The following CAMK2B variants were observed in gnomAD, a reference collection of about 807,000 sequenced individuals.
CAMK2B encodes calcium/calmodulin dependent protein kinase II beta, also known as calcium/calmodulin-dependent protein kinase type II subunit beta.
CAMK2B carries 27 observed loss-of-function variants against 93.7 expected under a neutral mutation model. That is an observed-to-expected ratio of 0.29 (90% CI 0.21 to 0.40). The LOEUF is 0.40. Ranked by LOEUF, CAMK2B falls within the 10% of genes least tolerant of loss-of-function variation. CAMK2B has a pLI of 1.00. For synonymous variants in CAMK2B, 374 were observed against 358.8 expected (o/e 1.04, Z -0.48); for missense variants, 568 against 895.8 (o/e 0.63, Z 4.67).
At chr7:44,244,500 G>A (rs557487685) in intron 6 of CAMK2B, among the ~76,000 whole-genome samples, 9 of 118 alleles carry the variant, frequency 0.076, no homozygotes, top group South Asian at 0.42. Flanking sequence ...TGGGGCCCTC[G>A]GGTCCCTTGG....
intron 12 of CAMK2B, among the ~76,000 whole-genome samples, chr7:44,240,352 A>G (rs1035928774): frequency 4.6e-5 from 7 of 152,108 alleles, no homozygotes; most frequent in Admixed American, 3.9e-4. Context: ...ACAAAACACA[A>G]TGTTCAGAGC....
At chr7:44,252,075 C>T (rs183537154) in intron 5 of CAMK2B, among the ~76,000 whole-genome samples, 10 of 152,166 alleles carry the variant, frequency 6.6e-5, no homozygotes, top group South Asian at 6.2e-4. Context: ...TGTGTCCATC[C>T]GAGACTCAGA....
At chr7:44,288,353 T>C (rs1785713732) in intron 1 of CAMK2B, among the ~76,000 whole-genome samples, 1 of 152,220 alleles carries the variant, frequency 6.6e-6, no homozygotes, top group Admixed American at 6.5e-5. Context: ...CATAGGCTGA[T>C]CACACGCCTG....
intron 13 of CAMK2B, among the ~76,000 whole-genome samples, chr7:44,238,677 C>A (rs971591004): frequency 3.9e-5 from 6 of 152,250 alleles, no homozygotes; most frequent in African/African-American, 1.4e-4. Context: ...ACCCTGGAAC[C>A]TCTGCCGGGT....
intron 1 of CAMK2B, among the ~76,000 whole-genome samples, chr7:44,284,914 T>TG (rs1194815887): frequency 8.6e-5 from 13 of 151,082 alleles, no homozygotes; most frequent in African/African-American, 2.4e-4. Flanking sequence ...ACTGACAGCC[T>TG]GGGGGTAGGG....
intron 1 of CAMK2B, among the ~76,000 whole-genome samples, chr7:44,315,048 G>A (rs1794529716): frequency 6.6e-6 from 1 of 152,030 alleles, no homozygotes; most frequent in Admixed American, 6.6e-5. Flanking sequence ...TTTCTCAATG[G>A]TGTCCTTTGA....
chr7:44,303,590 T>C (rs1790679598), intron 1 of CAMK2B, among the ~76,000 whole-genome samples: 1 of 152,214 alleles, frequency 6.6e-6, no homozygotes, highest in African/African-American at 2.4e-5. Flanking sequence ...ACACCTTTCA[T>C]AATGATTAAC....
chr7:44,253,913 T>G (rs2096805819), intron 5 of CAMK2B, among the ~76,000 whole-genome samples: 1 of 152,042 alleles, frequency 6.6e-6, no homozygotes, highest in East Asian at 1.9e-4. Flanking sequence ...TTTTTTTTTT[T>G]TTTTTTTTAA....
At chr7:44,262,024 C>T (rs2096883005) in intron 3 of CAMK2B, among the ~76,000 whole-genome samples, 1 of 152,210 alleles carries the variant, frequency 6.6e-6, no homozygotes, top group Admixed American at 6.5e-5. Flanking sequence ...TGGGGTCCTG[C>T]TGGGTCCAAT....
At position 44,271,566 on chromosome 7, in the gene CAMK2B, TG is replaced by T. The variant is rs2096974906; in HGVS notation, c.161-8503del. ...GGCAGGCAGAGGCCAGCTCACATCT[TG>T]GGGCCAGCACTTGCCAACCTGGGCT... On this transcript the variant is annotated intron_variant, in intron 2 of 23. Coordinates refer to ENST00000395749, the MANE Select transcript of CAMK2B (RefSeq NM_001220.5). The surrounding 1 kb of genome is among the most constrained non-coding windows in gnomAD (Gnocchi z 4.2). Among the ~76,000 whole-genome samples the T allele has an allele frequency of 6.6e-6, 1 of 152,228 alleles. No homozygotes were observed. Among genetic ancestry groups the T allele is most frequent in the Non-Finnish European group, 1.5e-5 (1 of 68,026 alleles).
Position 44,242,249 on chromosome 7 carries a change from G to A in CAMK2B, c.788C>T (p.Ala263Val), listed in dbSNP as rs1562871726. ...LTINPAKRITAHEALKHPWVC... is the reference protein window; with the variant it reads ...LTINPAKRITVHEALKHPWVC... ...CCACGGGTGCTTCAGGGCCTCATGGGCTGTGATGCGCTTGGCAGGGTTGAT... is the reference window on the plus strand; with the variant it reads ...CCACGGGTGCTTCAGGGCCTCATGGACTGTGATGCGCTTGGCAGGGTTGAT... The change falls in exon 10 of 24, where the codon GCC becomes GTC. Residue 263 changes from alanine (A) to valine (V), a missense_variant. This residue lies in a region of CAMK2B where 105 missense variants were observed against 372.4 expected (regional missense o/e 0.28). Transcript: ENST00000395749. The A allele has an allele frequency of 6.2e-7, 1 of 1,614,070 alleles. No homozygotes were observed.
intron 1 of CAMK2B, among the ~76,000 whole-genome samples, chr7:44,289,558 C>T (rs1483591431): frequency 6.6e-6 from 1 of 152,206 alleles, no homozygotes; most frequent in Non-Finnish European, 1.5e-5. Context: ...CCCGTGTGGT[C>T]ACGCAGACCT....
chr7:44,288,552 A>G (rs1000350905), intron 1 of CAMK2B, among the ~76,000 whole-genome samples: 1 of 152,248 alleles, frequency 6.6e-6, no homozygotes, highest in Non-Finnish European at 1.5e-5. Context: ...AGCCAGGCTG[A>G]AAGCGATTTT....
chr7:44,274,329 C>T (rs995644919), intron 2 of CAMK2B, among the ~76,000 whole-genome samples: 13 of 152,160 alleles, frequency 8.5e-5, no homozygotes, highest in African/African-American at 2.7e-4. Context: ...GGGAGACACA[C>T]AACCAGGGCC....
In CAMK2B at chr7:44,243,530, G is replaced by A. The variant is rs531034624; in HGVS notation, c.415-3C>T. 2 of 1,612,934 alleles carry A rather than the reference G, an allele frequency of 1.2e-6. No individual in the cohort carries two copies. The highest frequency in any genetic ancestry group is 1.7e-6 in the Non-Finnish European group (2 of 1,179,164). ...CTGGCCAGAAGCAGGTTCTCCGGCT[G>A]CAGGGAGGTGACCGGCACAAGGGTG... On this transcript the variant is annotated splice_polypyrimidine_tract_variant and splice_region_variant and intron_variant, in intron 6 of 23. Coordinates refer to ENST00000395749, the MANE Select transcript of CAMK2B (RefSeq NM_001220.5).
chr7:44,240,594 G>A (rs1584059260), intron 12 of CAMK2B, 113 bp downstream of exon 12: 2 of 1,232,772 alleles, frequency 1.6e-6, no homozygotes, highest in South Asian at 2.5e-5. Flanking sequence ...CAGACGCCGA[G>A]GGCAGGCCTG....
intron 2 of CAMK2B, among the ~76,000 whole-genome samples, chr7:44,264,240 C>T (rs890513777): frequency 6.6e-6 from 1 of 152,184 alleles, no homozygotes; most frequent in African/African-American, 2.4e-5. Context: ...CACAATCATC[C>T]TTGGGAAGCA....
chr7:44,285,397 G>A lies in CAMK2B; in HGVS notation c.66-1172C>T, dbSNP rs571991016. Among the ~76,000 whole-genome samples the A allele has an allele frequency of 2.0e-3, 297 of 152,250 alleles. 1 individual carries two copies. The highest frequency in any genetic ancestry group is 6.9e-3 in the African/African-American group (286 of 41,554). On this transcript the variant is annotated intron_variant, in intron 1 of 23. Transcript: ENST00000395749. ...GGTGGGCACCCACCCGTGCAAACCCGAGCACGCAGGGCCCTCCTGTGTTTG... is the reference window on the plus strand; with the variant it reads ...GGTGGGCACCCACCCGTGCAAACCCAAGCACGCAGGGCCCTCCTGTGTTTG...
intron 13 of CAMK2B, among the ~76,000 whole-genome samples, chr7:44,235,663 T>C (rs2096618619): frequency 6.6e-6 from 1 of 152,154 alleles, no homozygotes; most frequent in South Asian, 2.1e-4. Context: ...TCACCAGTCC[T>C]GGACCACGCT....
Sources: gnomAD v4.1 joint callset for allele counts (sites outside exome capture counted in the v4.1 genomes callset) on GRCh38, gnomAD v4.1.1 for gene constraint, gnomAD v4.1.1 regional missense constraint, Gnocchi (gnomAD v3.1) non-coding constraint, MANE v1.5 for transcripts, NCBI Gene and HGNC (gene_info 2026-07-23, HGNC 2026-07-21) for gene names.